The following DISC1 variants were observed in gnomAD, a reference collection of about 807,000 sequenced individuals.
DISC1 encodes DISC1 scaffold protein.
A neutral mutation model predicts 84.5 loss-of-function variants in DISC1; 57 were observed. That is an observed-to-expected ratio of 0.67 (90% confidence interval 0.55 to 0.84). DISC1 has a LOEUF of 0.84. Ranked by LOEUF, DISC1 falls within the 40% of genes least tolerant of loss-of-function variation. The pLI is 0.00. For synonymous variants in DISC1, 411 were observed against 415.2 expected (o/e 0.99, Z 0.12); for missense variants, 1,000 against 1,057.8 (o/e 0.95, Z 0.76).
At chr1:231,888,809 A>ACCCATGC (rs911733423) in intron 9 of DISC1, among the ~76,000 whole-genome samples, 1 of 149,928 alleles carries the variant, frequency 6.7e-6, no homozygotes, top group African/African-American at 2.5e-5. Flanking sequence ...GCTGCTGAGC[A>ACCCATGC]CCCATGCCCT....
intron 10 of DISC1, among the ~76,000 whole-genome samples, chr1:232,001,997 A>G (rs1220909391): frequency 6.6e-6 from 1 of 152,230 alleles, no homozygotes; most frequent in Non-Finnish European, 1.5e-5. Context: ...CTGACAAAGT[A>G]TTAGTATGTA....
At chr1:231,790,111 G>T (rs1218523387) in intron 6 of DISC1, among the ~76,000 whole-genome samples, 1 of 152,100 alleles carries the variant, frequency 6.6e-6, no homozygotes, top group Non-Finnish European at 1.5e-5. Context: ...TCCCAGTTGG[G>T]CAGATTGAAA....
In DISC1 at chr1:232,034,742, A is replaced by G. The variant is rs190558225; in HGVS notation, c.2426-1950A>G. Among the ~76,000 whole-genome samples the G allele has an allele frequency of 2.3e-3, 354 of 152,298 alleles. 2 individuals carry two copies. The highest frequency in any genetic ancestry group is 7.7e-3 in the African/African-American group (321 of 41,566). On this transcript the variant is annotated intron_variant, in intron 12 of 12. Coordinates refer to ENST00000439617, the MANE Select transcript of DISC1 (RefSeq NM_018662.3). The stretch of plus-strand genomic sequence containing the variant: ...AGGATTCATAAACTGCTTAAGCTCC[A>G]TGCCTGCTCTTCACAGATGTGGCAT...
In DISC1 at chr1:231,724,410, C is replaced by T. The variant is rs545967901; in HGVS notation, c.1117+22386C>T. Among the ~76,000 whole-genome samples, 21 of 152,234 alleles carry T rather than the reference C, an allele frequency of 1.4e-4. No homozygotes were observed. In the East Asian group the frequency reaches 3.7e-3, roughly 27 times the overall value. On this transcript the variant is annotated intron_variant, in intron 3 of 12. Coordinates refer to ENST00000439617, the MANE Select transcript of DISC1 (RefSeq NM_018662.3). ...GTGGGTTCTAGAACCCTGCAAACACCGCCCCAAGTGTGATACCAGTTTACC... is the reference window on the plus strand; with the variant it reads ...GTGGGTTCTAGAACCCTGCAAACACTGCCCCAAGTGTGATACCAGTTTACC...
chr1:231,975,341 T>C (rs1202124695), intron 10 of DISC1, among the ~76,000 whole-genome samples: 2 of 152,172 alleles, frequency 1.3e-5, no homozygotes, highest in African/African-American at 4.8e-5. Context: ...AGATGTATTG[T>C]AGAGAAAAGA....
chr1:231,942,496 C>G lies in DISC1; in HGVS notation c.1982-16332C>G, dbSNP rs187767741. ...CGTGGCTAATATGGTGAAACCCCGTCTCTACTAAAAATACAAAAATTAGCC... is the reference window on the plus strand; with the variant it reads ...CGTGGCTAATATGGTGAAACCCCGTGTCTACTAAAAATACAAAAATTAGCC... On this transcript the variant is annotated intron_variant, in intron 9 of 12. Coordinates refer to ENST00000439617, the MANE Select transcript of DISC1 (RefSeq NM_018662.3). 1.5e-4 allele frequency among the ~76,000 whole-genome samples: 23 copies of G among 152,220 alleles called. No individual in the cohort carries two copies. The East Asian group carries it at 3.3e-3, about 22-fold the overall frequency.
At chr1:232,016,638 A>G (rs1430161838) in intron 11 of DISC1, among the ~76,000 whole-genome samples, 1 of 152,244 alleles carries the variant, frequency 6.6e-6, no homozygotes, top group Non-Finnish European at 1.5e-5. Context: ...CCACAGGCCA[A>G]TTAACATATG....
At chr1:231,922,388 G>A (rs1558737009) in intron 9 of DISC1, among the ~76,000 whole-genome samples, 2 of 152,106 alleles carry the variant, frequency 1.3e-5, no homozygotes, top group African/African-American at 2.4e-5. Flanking sequence ...TACTTGTATT[G>A]TTGCATTTAA....
chr1:231,881,910 T>C (rs143552543), intron 9 of DISC1, among the ~76,000 whole-genome samples: 1 of 152,262 alleles, frequency 6.6e-6, no homozygotes, highest in East Asian at 1.9e-4. Flanking sequence ...CCTGCACAGG[T>C]CTGATTTTCC....
chr1:231,874,595 C>A (rs1452806021), intron 9 of DISC1, among the ~76,000 whole-genome samples: 5 of 152,078 alleles, frequency 3.3e-5, no homozygotes. Flanking sequence ...AACAATTTAA[C>A]CCTGTATTAA....
In DISC1 at chr1:232,039,899, C is replaced by G. The variant is rs1670709885; in HGVS notation, c.*3068C>G. 6.6e-6 allele frequency: 1 copy of G among 152,180 alleles called. No individual in the cohort carries two copies. The highest frequency in any genetic ancestry group is 6.5e-5 in the Admixed American group (1 of 15,288). The allele number at this position is 152,180 out of a possible 1,614,324, so 9.4% of individuals were successfully genotyped here. A position where few individuals can be genotyped will look rare whatever the true frequency, so the allele number is the denominator to read the frequency against. ...TTATACTGTCTGCCTTGCTGGAATG[C>G]TGGCTTTCAAATGGTCACCCATTTT... On this transcript the variant is annotated 3_prime_UTR_variant, in exon 13 of 13. Coordinates refer to ENST00000439617, the MANE Select transcript of DISC1 (RefSeq NM_018662.3).
chr1:231,664,265 A>G (rs2061820270), intron 1 of DISC1, among the ~76,000 whole-genome samples: 1 of 152,136 alleles, frequency 6.6e-6, no homozygotes, highest in Admixed American at 6.6e-5. Flanking sequence ...TATTTTAAAC[A>G]TCTACAATAT....
At chr1:231,891,522 A>C (rs1457177160) in intron 9 of DISC1, among the ~76,000 whole-genome samples, 1 of 152,174 alleles carries the variant, frequency 6.6e-6, no homozygotes, top group African/African-American at 2.4e-5. Context: ...TTTCTGCAGG[A>C]AGGAATGCTG....
At chr1:231,855,756 T>A (rs1222606093) in intron 9 of DISC1, among the ~76,000 whole-genome samples, 1 of 152,186 alleles carries the variant, frequency 6.6e-6, no homozygotes, top group Non-Finnish European at 1.5e-5. Context: ...TGGTCCATTT[T>A]CACAGCCCAC....
chr1:231,950,706 AT>A, intron 9 of DISC1, among the ~76,000 whole-genome samples: 2 of 152,294 alleles, frequency 1.3e-5, no homozygotes, highest in South Asian at 4.1e-4. Flanking sequence ...GAGAATTACC[AT>A]ATTAGATGAT....
At chr1:231,771,895 C>T (rs2076574864) in intron 6 of DISC1, among the ~76,000 whole-genome samples, 1 of 152,146 alleles carries the variant, frequency 6.6e-6, no homozygotes, top group Non-Finnish European at 1.5e-5. Flanking sequence ...CTTCAAATTC[C>T]TGGGTTTAAG....
intron 9 of DISC1, among the ~76,000 whole-genome samples, chr1:231,845,986 G>A (rs1466221946): frequency 6.6e-6 from 1 of 152,076 alleles, no homozygotes; most frequent in Non-Finnish European, 1.5e-5. Flanking sequence ...CAGGATCAAG[G>A]CCCCCAGAGA....
intron 1 of DISC1, among the ~76,000 whole-genome samples, chr1:231,692,030 T>C (rs1472547012): frequency 2.6e-5 from 4 of 152,228 alleles, no homozygotes; most frequent in African/African-American, 9.6e-5. Flanking sequence ...TACGCTGATA[T>C]ACTTGTAGGC....
chr1:231,691,745 G>A (rs2065039284), intron 1 of DISC1, among the ~76,000 whole-genome samples: 1 of 152,188 alleles, frequency 6.6e-6, no homozygotes, highest in African/African-American at 2.4e-5. Flanking sequence ...GCTCTCTGGA[G>A]AACGTTTTGC....
Sources: gnomAD v4.1 joint callset for allele counts (sites outside exome capture counted in the v4.1 genomes callset) on GRCh38, gnomAD v4.1.1 for gene constraint, MANE v1.5 for transcripts, NCBI Gene and HGNC (gene_info 2026-07-23, HGNC 2026-07-21) for gene names.